The following TAFA4 variants were observed in gnomAD, a reference collection of about 807,000 sequenced individuals.
The protein encoded by TAFA4 is chemokine-like protein TAFA-4.
TAFA4 carries 20 observed loss-of-function variants against 21.1 expected under a neutral mutation model. That is an observed-to-expected ratio of 0.95 (90% CI 0.67 to 1.38). The LOEUF (loss-of-function observed/expected upper bound fraction) is 1.38, where lower values mean the gene tolerates loss of function less well. TAFA4 is among the 40% of genes most tolerant of loss of function. The pLI is 0.00. For synonymous variants in TAFA4, 71 were observed against 67.4 expected (o/e 1.05, Z -0.26); for missense variants, 211 against 180.9 (o/e 1.17, Z -0.95).
intron 3 of TAFA4, among the ~76,000 whole-genome samples, chr3:68,847,773 G>T (rs529819244): frequency 6.6e-6 from 1 of 152,210 alleles, no homozygotes; most frequent in African/African-American, 2.4e-5. Flanking sequence ...ACACGGTAAG[G>T]TGTGAAACCA....
At chr3:68,776,270 T>C (rs1373083010) in intron 3 of TAFA4, among the ~76,000 whole-genome samples, 1 of 152,070 alleles carries the variant, frequency 6.6e-6, no homozygotes, top group African/African-American at 2.4e-5. Flanking sequence ...ATATGCTATC[T>C]ATAAGAGGTT....
At chr3:68,816,019 C>T (rs1703966712) in intron 3 of TAFA4, among the ~76,000 whole-genome samples, 1 of 152,172 alleles carries the variant, frequency 6.6e-6, no homozygotes, top group Non-Finnish European at 1.5e-5. Context: ...TTTGTAGGGA[C>T]ATATATGTAG....
intron 3 of TAFA4, among the ~76,000 whole-genome samples, chr3:68,873,329 CGCAG>C: frequency 7.9e-6 from 1 of 127,060 alleles, no homozygotes; most frequent in Non-Finnish European, 1.7e-5. Context: ...GACAGACACA[CGCAG>C]ACATACACAC....
intron 4 of TAFA4, among the ~76,000 whole-genome samples, chr3:68,740,019 G>T (rs979277534): frequency 2.6e-5 from 4 of 152,196 alleles, no homozygotes; most frequent in African/African-American, 9.7e-5. Context: ...CTGCCCAATT[G>T]TAAAATATAG....
At chr3:68,887,708 G>A (rs1307372886) in intron 1 of TAFA4, among the ~76,000 whole-genome samples, 3 of 152,074 alleles carry the variant, frequency 2.0e-5, no homozygotes, top group Non-Finnish European at 4.4e-5. Flanking sequence ...CTGCTTGAGG[G>A]GTGCTGCATT....
At chr3:68,803,797 CTTTTTTTT>C (rs386396961) in intron 3 of TAFA4, among the ~76,000 whole-genome samples, 1 of 81,594 alleles carries the variant, frequency 1.2e-5, no homozygotes, top group Non-Finnish European at 2.1e-5. Context: ...ATCTCTGATT[CTTTTTTTT>C]TTTTTTTTTT....
chr3:68,850,765 G>C lies in TAFA4; in HGVS notation c.130+29965C>G, dbSNP rs373589272. On this transcript the variant is annotated intron_variant, in intron 3 of 5. Transcript: ENST00000295569. The stretch of plus-strand genomic sequence containing the variant: ...TCTTGTATATTTATTTAAGTTCCTT[G>C]TAGATTCTGGGTATCAGACCTTTGA... 2.7e-5 allele frequency among the ~76,000 whole-genome samples: 4 copies of C among 150,674 alleles called. No homozygotes were observed. In the East Asian group the frequency reaches 5.9e-4, roughly 22 times the overall value.
At chr3:68,814,614 A>T (rs1196549436) in intron 3 of TAFA4, among the ~76,000 whole-genome samples, 2 of 152,208 alleles carry the variant, frequency 1.3e-5, no homozygotes, top group East Asian at 1.9e-4. Context: ...AAGGAATGTG[A>T]AGGACCTCTT....
chr3:68,788,404 G>A (rs9851941), intron 3 of TAFA4, among the ~76,000 whole-genome samples: 42,336 of 152,024 alleles, frequency 0.28, 7,209 homozygotes, highest in Non-Finnish European at 0.39. Flanking sequence ...TTCCTTTTTC[G>A]GAGAGGTCAT....
At chr3:68,789,195 C>T (rs1226913785) in intron 3 of TAFA4, among the ~76,000 whole-genome samples, 1 of 149,802 alleles carries the variant, frequency 6.7e-6, no homozygotes, top group Non-Finnish European at 1.5e-5. Context: ...CGCGCCACTG[C>T]ACTCCAGCCT....
chr3:68,809,310 GT>G (rs1467972669), intron 3 of TAFA4, among the ~76,000 whole-genome samples: 1 of 152,152 alleles, frequency 6.6e-6, no homozygotes, highest in Non-Finnish European at 1.5e-5. Flanking sequence ...GAAGCCACCA[GT>G]TTTTAAATTT....
At chr3:68,854,367 A>G (rs1705020228) in intron 3 of TAFA4, among the ~76,000 whole-genome samples, 1 of 152,078 alleles carries the variant, frequency 6.6e-6, no homozygotes, top group African/African-American at 2.4e-5. Flanking sequence ...GAAAATGACT[A>G]CAGACTTTAT....
intron 3 of TAFA4, among the ~76,000 whole-genome samples, chr3:68,866,746 A>C (rs750390223): frequency 6.6e-6 from 1 of 151,598 alleles, no homozygotes; most frequent in African/African-American, 2.4e-5. Context: ...ACAAAAAACA[A>C]ATCCTGGAAC....
intron 3 of TAFA4, among the ~76,000 whole-genome samples, chr3:68,770,623 A>G (rs182572865): frequency 1.3e-5 from 2 of 152,346 alleles, no homozygotes; most frequent in Admixed American, 1.3e-4. Flanking sequence ...TAAGGAATCA[A>G]TCTCCAGATT....
At chr3:68,870,068 A>T (rs758800228) in intron 3 of TAFA4, among the ~76,000 whole-genome samples, 16 of 152,044 alleles carry the variant, frequency 1.1e-4, no homozygotes, top group Non-Finnish European at 2.2e-4. Flanking sequence ...AAAGAATCTG[A>T]AAAAGTAATC....
At chr3:68,757,623 A>G (rs751253881) in intron 3 of TAFA4, among the ~76,000 whole-genome samples, 1 of 152,236 alleles carries the variant, frequency 6.6e-6, no homozygotes, top group Admixed American at 6.5e-5. Context: ...CTATATAACC[A>G]TCCACAAGTA....
chr3:68,923,367 G>T (rs2090077622), intron 1 of TAFA4, among the ~76,000 whole-genome samples: 1 of 151,878 alleles, frequency 6.6e-6, no homozygotes, highest in South Asian at 2.1e-4. Context: ...CTGTGTTTTG[G>T]GTGGGAAGGA....
chr3:68,813,159 G>A (rs1470818139), intron 3 of TAFA4, among the ~76,000 whole-genome samples: 1 of 151,970 alleles, frequency 6.6e-6, no homozygotes. Flanking sequence ...CAGAATCTCT[G>A]GGACACATTC....
rs538991626 is a variant in TAFA4, at chr3:68,750,082, T to C, written c.286+2781A>G. On this transcript the variant is annotated intron_variant, in intron 4 of 5. Coordinates refer to ENST00000295569, the MANE Select transcript of TAFA4 (RefSeq NM_182522.5). The stretch of plus-strand genomic sequence containing the variant: ...ATCCTGTGACACTAGGGAAACCATT[T>C]AGTTAACCTGAGAGTCTGTTTGTTT... Among the ~76,000 whole-genome samples, 4 of 152,322 alleles carry C rather than the reference T, an allele frequency of 2.6e-5. No homozygotes were observed. The South Asian group carries it at 8.3e-4, about 32-fold the overall frequency.
Sources: gnomAD v4.1 joint callset for allele counts (sites outside exome capture counted in the v4.1 genomes callset) on GRCh38, gnomAD v4.1.1 for gene constraint, MANE v1.5 for transcripts, NCBI Gene and HGNC (gene_info 2026-07-23, HGNC 2026-07-21) for gene names.